The following FTCDNL1 variants were observed in gnomAD, a reference collection of about 807,000 sequenced individuals.
The protein encoded by FTCDNL1 is formiminotransferase cyclodeaminase N-terminal like.
A neutral mutation model predicts 5.9 loss-of-function variants in FTCDNL1; 11 were observed. The observed-to-expected ratio is 1.87, with a 90% CI of 1.18 to 3.10. The LOEUF is 3.10. FTCDNL1 is among the 30% of genes most tolerant of loss of function. The probability of loss-of-function intolerance (pLI) is 0.00; values close to 1 mark genes in which losing one functional copy is unlikely to be tolerated. For missense variants in FTCDNL1, 115 were observed against 65.5 expected (o/e 1.76, Z -2.61); for synonymous variants, 58 against 24.8 (o/e 2.34, Z -3.99).
chr2:199,848,855 G>A lies in FTCDNL1; in HGVS notation c.108C>T (p.Asp36=). 1 of 699,080 alleles carries A rather than the reference G, an allele frequency of 1.4e-6. No homozygotes were observed. Among genetic ancestry groups the A allele is most frequent in the Non-Finnish European group, 2.6e-6 (1 of 383,984 alleles). The allele number at this position is 699,080 out of a possible 1,614,324, so 43.3% of individuals were successfully genotyped here. ...ATTGTCTGTTTTTCCTACCATTTTTGTCAAGAAGAGCTGCTTTTGCTATGT... is the reference window on the plus strand; with the variant it reads ...ATTGTCTGTTTTTCCTACCATTTTTATCAAGAAGAGCTGCTTTTGCTATGT... The part of the protein sequence containing the change: ...VENIAKAALL[D]KNGKKHPQVS... Residue 36 remains aspartate (D), a synonymous_variant, in exon 2 of 5, where the codon GAC becomes GAT. Coordinates refer to ENST00000420128, the MANE Select transcript of FTCDNL1 (RefSeq NM_001363886.2).
At chr2:199,763,842 TTTTTA>T (rs1460417814) in intron 3 of FTCDNL1, among the ~76,000 whole-genome samples, 1 of 152,198 alleles carries the variant, frequency 6.6e-6, no homozygotes, top group Non-Finnish European at 1.5e-5. Context: ...TTATTTTTTA[TTTTTA>T]TTTTATTTAT....
In FTCDNL1 at chr2:199,846,100, T is replaced by C; in HGVS notation, c.186A>G (p.Thr62=). The C allele has an allele frequency of 1.4e-6, 1 of 698,676 alleles. No homozygotes were observed. Among genetic ancestry groups the C allele is most frequent in the South Asian group, 1.5e-5 (1 of 66,686 alleles). 43.3% of individuals were successfully genotyped at this position (698,676 alleles called of 1,614,324 possible). A position where few individuals can be genotyped will look rare whatever the true frequency, so the allele number is the denominator to read the frequency against. Residue 62 remains threonine, a synonymous_variant, in exon 3 of 5, where the codon ACA becomes ACG. Coordinates refer to ENST00000420128, the MANE Select transcript of FTCDNL1 (RefSeq NM_001363886.2). ...SDQDYKRSVI[T]IATSVDKLGL... Reference sequence around the variant, plus strand: ...CCAACTTATCAACAGAAGTTGCTATTGTAATGACTGATCTCTTGTAGTCTT... The same window carrying C: ...CCAACTTATCAACAGAAGTTGCTATCGTAATGACTGATCTCTTGTAGTCTT...
At chr2:199,711,847 G>T in the FTCDNL1 span, among the ~76,000 whole-genome samples, 1 of 152,122 alleles carries the variant, frequency 6.6e-6, no homozygotes, top group Non-Finnish European at 1.5e-5. Context: ...GTCATGATGA[G>T]AAGGTCACAT....
intron 3 of FTCDNL1, among the ~76,000 whole-genome samples, chr2:199,765,556 A>ATATATTTTTTTTTTTTTTTTTTTTTTTTT: frequency 2.3e-5 from 1 of 42,656 alleles, no homozygotes; most frequent in Non-Finnish European, 4.8e-5. Context: ...ATATATATAT[A>ATATATTTTTTTTTTTTTTTTTTTTTTTTT]TTTTTTTTTT....
the FTCDNL1 span, among the ~76,000 whole-genome samples, chr2:199,736,746 A>G: frequency 1.3e-5 from 2 of 152,210 alleles, no homozygotes; most frequent in African/African-American, 4.8e-5. Flanking sequence ...TATCACTTCA[A>G]TCTACAACTG....
the FTCDNL1 span, among the ~76,000 whole-genome samples, chr2:199,752,208 G>C: frequency 6.6e-6 from 1 of 152,088 alleles, no homozygotes; most frequent in East Asian, 1.9e-4. Context: ...CCTCCCTGGA[G>C]CTGAGGCTGC....
the FTCDNL1 span, among the ~76,000 whole-genome samples, chr2:199,753,468 G>A: frequency 2.0e-5 from 3 of 152,206 alleles, no homozygotes; most frequent in African/African-American, 4.8e-5. Context: ...AGAAGCCAAC[G>A]AAGAACTTTA....
rs1698881483 is a variant in FTCDNL1 at position 199,772,857 on chromosome 2, A to G, written c.212-12022T>C. Among the ~76,000 whole-genome samples the G allele has an allele frequency of 4.6e-5, 7 of 152,200 alleles. No homozygotes were observed. In the South Asian group the frequency reaches 1.4e-3, roughly 32 times the overall value. ...TTCTGAGAAAGATGGGAAAGAGCAC[A>G]TTTGCCAGATCTGTAGCCACACGCC... On this transcript the variant is annotated intron_variant, in intron 3 of 3. Coordinates refer to the FTCDNL1 transcript ENST00000416668.
the FTCDNL1 span, among the ~76,000 whole-genome samples, chr2:199,744,260 G>A: frequency 4.6e-5 from 7 of 152,172 alleles, no homozygotes; most frequent in African/African-American, 7.2e-5. Flanking sequence ...CAAAAGTTAC[G>A]TGTTGAAACC....
intron 3 of FTCDNL1, among the ~76,000 whole-genome samples, chr2:199,772,277 A>C (rs1459121284): frequency 1.3e-5 from 2 of 152,204 alleles, no homozygotes; most frequent in African/African-American, 4.8e-5. Context: ...TAAATTGTTT[A>C]TCTCTGGAAC....
the FTCDNL1 span, among the ~76,000 whole-genome samples, chr2:199,749,291 G>T: frequency 1.2e-3 from 187 of 152,290 alleles, 1 homozygote; most frequent in African/African-American, 4.4e-3. Context: ...TGAATGAATA[G>T]ATGTGTGGGA....
At chr2:199,850,231 T>C (rs1559258033) in intron 1 of FTCDNL1, among the ~76,000 whole-genome samples, 1 of 152,198 alleles carries the variant, frequency 6.6e-6, no homozygotes, top group Non-Finnish European at 1.5e-5. Flanking sequence ...ATAACATTGT[T>C]GTAATAAAGC....
At chr2:199,765,742 C>T (rs1392062705) in intron 3 of FTCDNL1, among the ~76,000 whole-genome samples, 2 of 151,172 alleles carry the variant, frequency 1.3e-5, no homozygotes, top group East Asian at 2.0e-4. Context: ...CGGGTTTCAC[C>T]GTGTTGCCCA....
rs1464734128 is a variant in FTCDNL1 at position 199,809,576 on chromosome 2, A to G, written c.*3129T>C. On this transcript the variant is annotated 3_prime_UTR_variant, in exon 5 of 5. Transcript: ENST00000420128. Reference sequence around the variant, plus strand: ...ATTAAAATTGCCATCATTGACACATAGCTTCTTTTAGTATACAAAAAGGCT... The same window carrying G: ...ATTAAAATTGCCATCATTGACACATGGCTTCTTTTAGTATACAAAAAGGCT... Among the ~76,000 whole-genome samples, 4 of 152,228 alleles carry G rather than the reference A, an allele frequency of 2.6e-5. No individual in the cohort carries two copies. Among genetic ancestry groups the G allele is most frequent in the Non-Finnish European group, 5.9e-5 (4 of 68,038 alleles).
At chr2:199,744,626 G>A in the FTCDNL1 span, among the ~76,000 whole-genome samples, 279 of 152,290 alleles carry the variant, frequency 1.8e-3, 1 homozygote, top group African/African-American at 6.5e-3. Flanking sequence ...AAGCCACCCA[G>A]TCTGTGGTAT....
chr2:199,791,268 G>A (rs1280721427), intron 3 of FTCDNL1, among the ~76,000 whole-genome samples: 2 of 152,064 alleles, frequency 1.3e-5, no homozygotes, highest in Non-Finnish European at 2.9e-5. Flanking sequence ...GGATCACTGA[G>A]AGGGGGAAGA....
the FTCDNL1 span, among the ~76,000 whole-genome samples, chr2:199,668,598 C>G: frequency 6.6e-6 from 1 of 152,220 alleles, no homozygotes; most frequent in East Asian, 1.9e-4. Flanking sequence ...ACCAAGAGAT[C>G]AGGGATTACT....
intron 4 of FTCDNL1, among the ~76,000 whole-genome samples, chr2:199,814,073 G>A (rs1701208082): frequency 6.6e-6 from 1 of 152,040 alleles, no homozygotes. Flanking sequence ...AACAAACAGA[G>A]CAAGGCAACC....
chr2:199,710,149 T>C, the FTCDNL1 span, among the ~76,000 whole-genome samples: 1 of 152,180 alleles, frequency 6.6e-6, no homozygotes, highest in African/African-American at 2.4e-5. Flanking sequence ...GTTTCAGCTC[T>C]GATACCATAA....
Sources: gnomAD v4.1 joint callset for allele counts (sites outside exome capture counted in the v4.1 genomes callset) on GRCh38, gnomAD v4.1.1 for gene constraint, MANE v1.5 for transcripts, NCBI Gene and HGNC (gene_info 2026-07-23, HGNC 2026-07-21) for gene names.